Variants in DST observed in about 807,000 individuals in gnomAD.
The protein encoded by DST is dystonin, also known as bullous pemphigoid antigen.
In DST, 253 loss-of-function variants were observed where a neutral mutation model predicts 875.2. The ratio of observed to expected loss-of-function variants is 0.29; its 90% CI spans 0.26 to 0.32. The LOEUF is 0.32. Ranked by LOEUF, DST falls within the 10% of genes least tolerant of loss-of-function variation. DST has a pLI of 1.00. For missense variants in DST, 8,287 were observed against 9,111.6 expected (o/e 0.91, Z 3.68); for synonymous variants, 3,124 against 3,197.1 (o/e 0.98, Z 0.77).
At chr6:56,803,942 A>G (rs2099750258) in intron 4 of DST, among the ~76,000 whole-genome samples, 1 of 152,230 alleles carries the variant, frequency 6.6e-6, no homozygotes. Flanking sequence ...ATGAAAGCAA[A>G]GAACAAAGGT....
At chr6:56,696,148 T>C (rs548320791) in intron 9 of DST, among the ~76,000 whole-genome samples, 25 of 152,182 alleles carry the variant, frequency 1.6e-4, no homozygotes, top group Middle Eastern at 3.4e-3. Context: ...TATGCCACAG[T>C]ATATTAGAAG....
rs78004680 is a variant in DST, at chr6:56,793,470, G to C, written c.625+57927C>G. 3.4e-3 allele frequency among the ~76,000 whole-genome samples: 515 copies of C among 152,284 alleles called. 4 individuals are homozygous for C. Among genetic ancestry groups the C allele is most frequent in the African/African-American group, 0.012 (500 of 41,554 alleles). On this transcript the variant is annotated intron_variant, in intron 4 of 103. Transcript: ENST00000680361. Reference sequence around the variant, plus strand: ...GTATAACTATTCTTTCAACTTTTCTGTAGACTTTAAGTTTTTCAAAATAAA... The same window carrying C: ...GTATAACTATTCTTTCAACTTTTCTCTAGACTTTAAGTTTTTCAAAATAAA...
intron 10 of DST, among the ~76,000 whole-genome samples, chr6:56,653,060 G>A (rs1283193170): frequency 6.6e-6 from 1 of 152,174 alleles, no homozygotes; most frequent in Admixed American, 6.5e-5. Flanking sequence ...TTGTAAGTCT[G>A]CCAAATCTCA....
intron 45 of DST, 54 bp from the exon 46 acceptor site, chr6:56,598,763 C>A: frequency 9.1e-7 from 1 of 1,099,200 alleles, no homozygotes; most frequent in Non-Finnish European, 1.3e-6. Context: ...CTATTTAGTT[C>A]TTCCAGAGTT....
intron 2 of DST, among the ~76,000 whole-genome samples, chr6:56,924,742 A>C (rs1806134447): frequency 6.6e-6 from 1 of 152,098 alleles, no homozygotes; most frequent in Non-Finnish European, 1.5e-5. Flanking sequence ...TATGTCACTT[A>C]TTTTAACTTA....
intron 80 of DST, among the ~76,000 whole-genome samples, chr6:56,500,744 A>C: frequency 6.6e-6 from 1 of 152,166 alleles, no homozygotes; most frequent in East Asian, 1.9e-4. Context: ...CAACTTTAAA[A>C]AATAGGTGAC....
At position 56,529,554 on chromosome 6, in the gene DST, T is replaced by G. The variant is rs373654920; in HGVS notation, c.17489A>C (p.Glu5830Ala). The G allele has an allele frequency of 3.2e-5, 52 of 1,613,644 alleles. No individual in the cohort carries two copies. Among genetic ancestry groups the G allele is most frequent in the Non-Finnish European group, 4.2e-5 (50 of 1,179,760 alleles). Residue 5830 changes from glutamate to alanine, a missense_variant, in exon 66 of 104, where the codon GAA (glutamate) becomes GCA (alanine). Glu to Ala is a moderately radical substitution (Grantham distance 107). Coordinates refer to ENST00000680361, the MANE Select transcript of DST (RefSeq NM_001374736.1). ...LCNAKIFGED[E>A]VELMNWLNEV... ...ATTCAGCCAGTTCATCAGTTCAACT[T>G]CATCTTCCCCAAAAATCTTAGCATT...
chr6:56,518,479 A>ATT (rs11455870), intron 69 of DST, among the ~76,000 whole-genome samples: 1 of 151,940 alleles, frequency 6.6e-6, no homozygotes, highest in Non-Finnish European at 1.5e-5. Flanking sequence ...TTTAAATGTG[A>ATT]TTTTCAAATA....
intron 2 of DST, among the ~76,000 whole-genome samples, chr6:56,948,533 A>C (rs1336461291): frequency 6.6e-6 from 1 of 152,198 alleles, no homozygotes; most frequent in Non-Finnish European, 1.5e-5. Flanking sequence ...GTGGCACGCA[A>C]TTTCAAACTT....
intron 38 of DST, among the ~76,000 whole-genome samples, chr6:56,611,202 T>C (rs1382295560): frequency 6.6e-6 from 1 of 152,158 alleles, no homozygotes; most frequent in Non-Finnish European, 1.5e-5. Flanking sequence ...CACAGAGTAC[T>C]ACTTAGATTT....
At chr6:56,570,494 G>T (rs2097763233) in intron 53 of DST, among the ~76,000 whole-genome samples, 1 of 152,000 alleles carries the variant, frequency 6.6e-6, no homozygotes, top group Non-Finnish European at 1.5e-5. Context: ...TCACAATAGG[G>T]TTCCTGGTCC....
chr6:56,493,341 T>C (rs1434950248), intron 83 of DST, among the ~76,000 whole-genome samples: 1 of 152,170 alleles, frequency 6.6e-6, no homozygotes, highest in Non-Finnish European at 1.5e-5. Context: ...AGCATGTTTT[T>C]TGGAAATTAA....
Position 56,464,687 on chromosome 6 carries a change from A to G in DST, c.22757T>C (p.Ile7586Thr). The change falls in exon 100 of 104, where the codon ATA becomes ACA. Residue 7586 changes from isoleucine (I) to threonine (T), a missense_variant and splice_region_variant. Physicochemically the swap from Ile to Thr is moderately conservative, Grantham distance 89. Around this residue, in one of 10 missense-constraint regions of DST, gnomAD observed 64 missense variants for 86.2 expected, o/e 0.74. Coordinates refer to ENST00000680361, the MANE Select transcript of DST (RefSeq NM_001374736.1). ...AGGCAAAGAGAGAGGTTGCCAACCT[A>G]TAGTAGGCTGAGTAGTAGTAATTGA... ...NSSITTTQPT[I>T]AKGRTNMELR... 6.3e-7 allele frequency: 1 copy of G among 1,594,466 alleles called. No individual in the cohort carries two copies. The highest frequency in any genetic ancestry group is 8.6e-7 in the Non-Finnish European group (1 of 1,169,476).
intron 49 of DST, among the ~76,000 whole-genome samples, chr6:56,585,058 T>C (rs1315121762): frequency 2.6e-5 from 4 of 152,128 alleles, no homozygotes; most frequent in African/African-American, 7.2e-5. Context: ...AAATTCTCTT[T>C]TTTGGTTGTG....
At chr6:56,543,430 T>C (rs2097173003) in intron 61 of DST, among the ~76,000 whole-genome samples, 1 of 152,168 alleles carries the variant, frequency 6.6e-6, no homozygotes, top group Admixed American at 6.5e-5. Flanking sequence ...TACAGTACTC[T>C]TGAGGTTAAC....
intron 85 of DST, among the ~76,000 whole-genome samples, chr6:56,491,678 A>G (rs940806332): frequency 1.3e-5 from 2 of 152,218 alleles, no homozygotes; most frequent in African/African-American, 4.8e-5. Flanking sequence ...TCTGCTCAAA[A>G]TATTAGAGAA....
intron 3 of DST, chr6:56,851,993 C>T: frequency 1.4e-6 from 2 of 1,444,320 alleles, no homozygotes; most frequent in Non-Finnish European, 1.8e-6. Context: ...AAATATTTTC[C>T]ATTACTAGCC....
At chr6:56,699,780 G>A (rs2099285299) in intron 8 of DST, 35 bp from the exon 9 acceptor site, 1 of 1,004,894 alleles carries the variant, frequency 1.0e-6, no homozygotes, top group Admixed American at 3.3e-5. Flanking sequence ...AAAACCAACT[G>A]TTTATCAAAC....
chr6:56,719,756 T>TG (rs1455162935), intron 5 of DST, among the ~76,000 whole-genome samples: 1 of 152,148 alleles, frequency 6.6e-6, no homozygotes, highest in African/African-American at 2.4e-5. Context: ...GCTGGGCGTC[T>TG]GGGGGAGACA....
Sources: gnomAD v4.1 joint callset for allele counts (sites outside exome capture counted in the v4.1 genomes callset) on GRCh38, gnomAD v4.1.1 for gene constraint, gnomAD v4.1.1 regional missense constraint, MANE v1.5 for transcripts, NCBI Gene and HGNC (gene_info 2026-07-23, HGNC 2026-07-21) for gene names.